The following KIAA1217 variants were observed in gnomAD, a reference collection of about 807,000 sequenced individuals.
The protein encoded by KIAA1217 is sickle tail protein homolog.
In KIAA1217, 88 loss-of-function variants were observed where a neutral mutation model predicts 163.9. The ratio of observed to expected loss-of-function variants is 0.54; its 90% CI spans 0.45 to 0.64. KIAA1217 has a LOEUF of 0.64. KIAA1217 is among the 30% of genes least tolerant of loss of function. The probability of loss-of-function intolerance (pLI) is 0.00; values close to 1 mark genes in which losing one functional copy is unlikely to be tolerated. For synonymous variants in KIAA1217, 903 were observed against 923.1 expected (o/e 0.98, Z 0.39); for missense variants, 2,372 against 2,475.0 (o/e 0.96, Z 0.88).
intron 2 of KIAA1217, among the ~76,000 whole-genome samples, chr10:24,146,837 A>G (rs1034749626): frequency 6.6e-6 from 1 of 152,200 alleles, no homozygotes; most frequent in African/African-American, 2.4e-5. Context: ...GGAGAGACAA[A>G]GCAGTCACAA....
chr10:24,259,637 C>T (rs1166883243), intron 2 of KIAA1217, among the ~76,000 whole-genome samples: 3 of 152,154 alleles, frequency 2.0e-5, no homozygotes, highest in African/African-American at 4.8e-5. Context: ...CAATACTTGA[C>T]GGTGAAAGCG....
intron 2 of KIAA1217, among the ~76,000 whole-genome samples, chr10:24,264,759 CG>C (rs2076046321): frequency 1.5e-5 from 2 of 135,078 alleles, no homozygotes; most frequent in Non-Finnish European, 3.1e-5. Context: ...GGTGGTCGGT[CG>C]GTCTTTCTCT....
At chr10:23,937,644 A>G (rs1269367908) in intron 1 of KIAA1217, among the ~76,000 whole-genome samples, 1 of 152,158 alleles carries the variant, frequency 6.6e-6, no homozygotes, top group African/African-American at 2.4e-5. Flanking sequence ...CCATTAGTCT[A>G]CTTATTTTTT....
At chr10:24,534,376 G>A (rs1374504773) in intron 16 of KIAA1217, among the ~76,000 whole-genome samples, 1 of 152,192 alleles carries the variant, frequency 6.6e-6, no homozygotes, top group Admixed American at 6.5e-5. Context: ...TGTTTTCATA[G>A]GAACTACAGA....
chr10:23,821,804 G>C (rs1394110501), intron 1 of KIAA1217, among the ~76,000 whole-genome samples: 11 of 152,230 alleles, frequency 7.2e-5, no homozygotes, highest in Non-Finnish European at 1.6e-4. Context: ...GGTGGCTTAA[G>C]AGTCTCATGG....
Position 24,542,782 on chromosome 10 carries a change from A to C in KIAA1217, c.3612+12A>C, listed in dbSNP as rs1293957245. The C allele has an allele frequency of 1.1e-5, 18 of 1,613,534 alleles. No individual in the cohort carries two copies. Among genetic ancestry groups the C allele is most frequent in the Non-Finnish European group, 1.3e-5 (15 of 1,179,546 alleles). ...TGGAATTCCAAAAGGTGAGTTCACC[A>C]GATCTGGGTTCCGACCAATACCATG... is the stretch of plus-strand genomic sequence containing the variant. On this transcript the variant is annotated intron_variant, in intron 18 of 20. Transcript: ENST00000376454.
chr10:23,920,358 TG>T (rs772684974), intron 1 of KIAA1217, among the ~76,000 whole-genome samples: 2 of 152,140 alleles, frequency 1.3e-5, no homozygotes, highest in Non-Finnish European at 2.9e-5. Context: ...TCCTTTCTTT[TG>T]GTAAGGTCGC....
chr10:23,987,117 C>T (rs11013828), intron 1 of KIAA1217, among the ~76,000 whole-genome samples: 30,989 of 151,960 alleles, frequency 0.2, 3,456 homozygotes, highest in Middle Eastern at 0.29. Context: ...GTGGCTCACA[C>T]CTGTAATCCC....
At chr10:24,415,466 CTTCT>C (rs1554854783) in intron 3 of KIAA1217, among the ~76,000 whole-genome samples, 1 of 151,938 alleles carries the variant, frequency 6.6e-6, no homozygotes, top group Non-Finnish European at 1.5e-5. Context: ...AGCAGTGACT[CTTCT>C]TTCCCACTTG....
intron 9 of KIAA1217, among the ~76,000 whole-genome samples, chr10:24,512,567 A>G (rs2069359400): frequency 6.6e-6 from 1 of 152,222 alleles, no homozygotes; most frequent in Non-Finnish European, 1.5e-5. Context: ...GCCTACCTCC[A>G]ATCTAGAGAA....
At chr10:24,103,820 C>T (rs1316354684) in intron 2 of KIAA1217, among the ~76,000 whole-genome samples, 2 of 152,172 alleles carry the variant, frequency 1.3e-5, no homozygotes, top group Non-Finnish European at 2.9e-5. Flanking sequence ...TCAAGACTTA[C>T]TTTCAAGCAA....
At chr10:23,716,713 G>T (rs908754301) in intron 1 of KIAA1217, among the ~76,000 whole-genome samples, 1 of 152,094 alleles carries the variant, frequency 6.6e-6, no homozygotes, top group African/African-American at 2.4e-5. Flanking sequence ...CAGCTTTTTA[G>T]ATCAGCCTCT....
intron 2 of KIAA1217, among the ~76,000 whole-genome samples, chr10:24,285,930 A>G (rs1384660527): frequency 2.0e-5 from 3 of 152,240 alleles, no homozygotes; most frequent in South Asian, 4.1e-4. Context: ...GGTTAGATAT[A>G]TTAATATTTC....
intron 9 of KIAA1217, among the ~76,000 whole-genome samples, chr10:24,506,298 C>T (rs552071583): frequency 2.8e-4 from 42 of 152,292 alleles, no homozygotes; most frequent in African/African-American, 8.4e-4. Flanking sequence ...ACAGCAAAAT[C>T]AGTCCAATTA....
rs143380718 is a variant in KIAA1217 at position 24,519,746 on chromosome 10, CCTCT to C, written c.2178-368_2178-365del. Among the ~76,000 whole-genome samples the C allele has an allele frequency of 4.3e-3, 654 of 151,824 alleles. 3 individuals are homozygous for C. The highest frequency in any genetic ancestry group is 0.014 in the African/African-American group (594 of 41,408). ...TTTTACTGCACCGCAGGTCGGTCTC[CCTCT>C]CTCTCTCTTTCTCTCTTTCTCCCTC... On this transcript the variant is annotated intron_variant, in intron 10 of 20. Transcript: ENST00000376454.
rs2067550036 is a variant in KIAA1217, at chr10:24,501,287, T to G, written c.1835-92T>G. The G allele has an allele frequency of 5.0e-6, 6 of 1,208,226 alleles. No individual in the cohort carries two copies. The South Asian group carries it at 7.5e-5, about 15-fold the overall frequency. 74.8% of individuals were successfully genotyped at this position (1,208,226 alleles called of 1,614,324 possible). A position where few individuals can be genotyped will look rare whatever the true frequency, so the allele number is the denominator to read the frequency against. ...TTTGTAATGAGAGAATTAGGCCTTTTTAGAATTACCAGTCATCTGCATTGG... is the reference window on the plus strand; with the variant it reads ...TTTGTAATGAGAGAATTAGGCCTTTGTAGAATTACCAGTCATCTGCATTGG... On this transcript the variant is annotated intron_variant, in intron 8 of 20. Coordinates refer to ENST00000376454, the MANE Select transcript of KIAA1217 (RefSeq NM_019590.5).
chr10:23,962,123 G>GCCGT (rs2131374434), intron 1 of KIAA1217, among the ~76,000 whole-genome samples: 1 of 152,326 alleles, frequency 6.6e-6, no homozygotes, highest in East Asian at 1.9e-4. Flanking sequence ...TGGCCGTCTG[G>GCCGT]CCGTGCAGGC....
chr10:23,780,354 A>G (rs1250523402), intron 1 of KIAA1217, among the ~76,000 whole-genome samples: 1 of 152,192 alleles, frequency 6.6e-6, no homozygotes, highest in Non-Finnish European at 1.5e-5. Context: ...CATACTGTAC[A>G]TGACAGATCT....
At chr10:24,337,497 G>A (rs1041606500) in intron 2 of KIAA1217, among the ~76,000 whole-genome samples, 5 of 152,076 alleles carry the variant, frequency 3.3e-5, no homozygotes, top group African/African-American at 9.7e-5. Flanking sequence ...CTGCCCATGC[G>A]CATCACACTT....
Sources: gnomAD v4.1 joint callset for allele counts (sites outside exome capture counted in the v4.1 genomes callset) on GRCh38, gnomAD v4.1.1 for gene constraint, MANE v1.5 for transcripts, NCBI Gene and HGNC (gene_info 2026-07-23, HGNC 2026-07-21) for gene names.